Variants in FOXJ3 observed in about 807,000 individuals in gnomAD.
The protein encoded by FOXJ3 is forkhead box protein J3.
In FOXJ3, 22 loss-of-function variants were observed where a neutral mutation model predicts 76.1. That is an observed-to-expected ratio of 0.29 (90% CI 0.21 to 0.41). The LOEUF (loss-of-function observed/expected upper bound fraction) is 0.41. Ranked by LOEUF, FOXJ3 falls within the 10% of genes least tolerant of loss-of-function variation. FOXJ3 has a pLI of 1.00. For missense variants in FOXJ3, 613 were observed against 762.1 expected (o/e 0.80, Z 2.30); for synonymous variants, 269 against 261.2 (o/e 1.03, Z -0.29).
At chr1:42,326,724 A>C (rs1278700445) in intron 1 of FOXJ3, among the ~76,000 whole-genome samples, 2 of 152,198 alleles carry the variant, frequency 1.3e-5, no homozygotes, top group Non-Finnish European at 1.5e-5. Flanking sequence ...TAAATTTAAC[A>C]AGGGGAGAAA....
chr1:42,272,578 G>A (rs1348013857), intron 3 of FOXJ3, among the ~76,000 whole-genome samples: 1 of 152,180 alleles, frequency 6.6e-6, no homozygotes, highest in Non-Finnish European at 1.5e-5. Context: ...GGATCTTCTA[G>A]TTCTAAGAGC....
At chr1:42,295,519 C>CTT (rs34641810) in intron 2 of FOXJ3, among the ~76,000 whole-genome samples, 1,664 of 79,066 alleles carry the variant, frequency 0.021, 115 homozygotes, top group African/African-American at 0.064. Flanking sequence ...CTACAAGTGT[C>CTT]TTTTTTTTTT....
intron 11 of FOXJ3, among the ~76,000 whole-genome samples, chr1:42,186,801 A>C (rs886975741): frequency 6.6e-6 from 1 of 152,166 alleles, no homozygotes; most frequent in African/African-American, 2.4e-5. Context: ...AAATTCACCA[A>C]CATGAGAGCT....
intron 1 of FOXJ3, among the ~76,000 whole-genome samples, chr1:42,326,611 C>G (rs1655844508): frequency 6.6e-6 from 1 of 152,188 alleles, no homozygotes; most frequent in African/African-American, 2.4e-5. Flanking sequence ...AAGACCAAAT[C>G]TGCTATTGAG....
intron 4 of FOXJ3, among the ~76,000 whole-genome samples, chr1:42,246,011 C>A (rs1490470395): frequency 6.6e-6 from 1 of 151,872 alleles, no homozygotes; most frequent in African/African-American, 2.4e-5. Flanking sequence ...AAATTCAACT[C>A]GAAATGGATT....
intron 11 of FOXJ3, among the ~76,000 whole-genome samples, chr1:42,185,580 T>G (rs344186): frequency 0.33 from 49,713 of 151,634 alleles, 9,770 homozygotes; most frequent in African/African-American, 0.56. Flanking sequence ...TGAACTCTTT[T>G]AGGTAAAAGC....
At chr1:42,292,687 C>T (rs4660618) in intron 2 of FOXJ3, among the ~76,000 whole-genome samples, 111,436 of 152,144 alleles carry the variant, frequency 0.73, 41,010 homozygotes, top group Admixed American at 0.81. Context: ...CTGGCAACTG[C>T]TGGGAATGAC....
chr1:42,216,497 G>A (rs1444670374), intron 5 of FOXJ3, among the ~76,000 whole-genome samples: 4 of 150,450 alleles, frequency 2.7e-5, no homozygotes, highest in African/African-American at 7.3e-5. Flanking sequence ...CAGCCTGGGC[G>A]ACAGAGCGAG....
chr1:42,229,692 A>G (rs930826145), intron 4 of FOXJ3, among the ~76,000 whole-genome samples: 1 of 152,212 alleles, frequency 6.6e-6, no homozygotes, highest in Non-Finnish European at 1.5e-5. Flanking sequence ...CAAGAACCCT[A>G]TAAAATGCAG....
At chr1:42,218,568 A>G (rs567649009) in intron 5 of FOXJ3, among the ~76,000 whole-genome samples, 14 of 152,328 alleles carry the variant, frequency 9.2e-5, no homozygotes, top group South Asian at 2.1e-4. Context: ...ACAATGCATT[A>G]TAAGATTTTA....
intron 11 of FOXJ3, among the ~76,000 whole-genome samples, chr1:42,184,196 C>A (rs1646387372): frequency 6.6e-6 from 1 of 152,226 alleles, no homozygotes; most frequent in African/African-American, 2.4e-5. Context: ...CATATACCCA[C>A]AACTTCCCTG....
At position 42,314,966 on chromosome 1, in the gene FOXJ3, TAAC is replaced by T. The variant is rs1247037068; in HGVS notation, c.-17-3859_-17-3857del. On this transcript the variant is annotated intron_variant, in intron 1 of 12. Transcript: ENST00000361346. ...ATAAACAAAGTATGGTTTATCTAAG[TAAC>T]AGCCATAAAATATACAATGCAACTT... 4.2e-3 allele frequency among the ~76,000 whole-genome samples: 647 copies of T among 152,324 alleles called. 3 individuals are homozygous for T. The highest frequency in any genetic ancestry group is 0.015 in the African/African-American group (604 of 41,574).
intron 2 of FOXJ3, among the ~76,000 whole-genome samples, chr1:42,306,552 T>C (rs926717900): frequency 9.9e-5 from 15 of 152,082 alleles, no homozygotes; most frequent in Non-Finnish European, 2.1e-4. Flanking sequence ...TCCGCCCACC[T>C]TGGCCTCCCA....
intron 1 of FOXJ3, among the ~76,000 whole-genome samples, chr1:42,333,457 G>A (rs1466347226): frequency 6.6e-6 from 1 of 151,938 alleles, no homozygotes; most frequent in South Asian, 2.1e-4. Context: ...TTTTGTCCTC[G>A]GCAGCACAAA....
intron 2 of FOXJ3, among the ~76,000 whole-genome samples, chr1:42,299,560 T>TTTTTTTTC (rs1654002956): frequency 6.6e-6 from 1 of 151,764 alleles, no homozygotes; most frequent in African/African-American, 2.4e-5. Flanking sequence ...TTTTTTTAAT[T>TTTTTTTTC]TGCCACTCTG....
intron 3 of FOXJ3, among the ~76,000 whole-genome samples, chr1:42,271,062 G>A (rs1048168233): frequency 6.6e-6 from 1 of 152,092 alleles, no homozygotes; most frequent in Admixed American, 6.6e-5. Context: ...TTCTTTCCTA[G>A]GGGTTTTTTG....
chr1:42,264,229 A>G (rs526204), intron 4 of FOXJ3, among the ~76,000 whole-genome samples: 26,661 of 151,962 alleles, frequency 0.18, 2,522 homozygotes, highest in Admixed American at 0.25. Context: ...CATGTTTGGA[A>G]AACTTCAAGT....
chr1:42,264,139 G>C (rs936092127), intron 4 of FOXJ3, among the ~76,000 whole-genome samples: 14 of 151,988 alleles, frequency 9.2e-5, no homozygotes, highest in African/African-American at 3.4e-4. Context: ...GAGAAGTCAT[G>C]TTGCAGCTCA....
intron 4 of FOXJ3, among the ~76,000 whole-genome samples, chr1:42,237,852 G>A (rs1648814194): frequency 6.6e-6 from 1 of 151,412 alleles, no homozygotes; most frequent in Admixed American, 6.6e-5. Flanking sequence ...CAGATATACA[G>A]CATCATTTAA....
Sources: allele counts gnomAD v4.1 joint callset (sites outside exome capture counted in the v4.1 genomes callset), GRCh38; gene constraint gnomAD v4.1.1; transcripts MANE v1.5; gene names NCBI Gene and HGNC (gene_info 2026-07-23, HGNC 2026-07-21).